EYA1: variants seen among roughly 807,000 people sequenced by gnomAD.
EYA1 encodes the protein EYA transcriptional coactivator and phosphatase 1, also known as protein phosphatase EYA1.
Under a neutral mutation model 82.0 loss-of-function variants are expected in EYA1, and 16 were observed. The ratio of observed to expected loss-of-function variants is 0.20; its 90% confidence interval spans 0.13 to 0.30. The LOEUF is 0.30. Among genes scored for constraint, EYA1 ranks in the 10% least tolerant of loss-of-function variants. EYA1 has a pLI of 1.00. For missense variants in EYA1, 633 were observed against 730.7 expected (o/e 0.87, Z 1.54); for synonymous variants, 261 against 264.4 (o/e 0.99, Z 0.12).
At chr8:71,419,437 T>C (rs1831027327) in intron 2 of EYA1, among the ~76,000 whole-genome samples, 1 of 152,164 alleles carries the variant, frequency 6.6e-6, no homozygotes, top group Non-Finnish European at 1.5e-5. Flanking sequence ...CATCATAACA[T>C]TCACTAAAAC....
chr8:71,206,033 T>C (rs79440815), intron 17 of EYA1, among the ~76,000 whole-genome samples: 1,857 of 152,238 alleles, frequency 0.012, 25 homozygotes, highest in South Asian at 0.038. Context: ...ATATCAGAAT[T>C]ATGTGTTTTA....
intron 12 of EYA1, 106 bp downstream of exon 12, chr8:71,244,497 T>C: frequency 4.4e-6 from 3 of 679,884 alleles, no homozygotes; most frequent in Non-Finnish European, 7.9e-6. Flanking sequence ...CAAACCTCTG[T>C]CTCACTATTC....
At chr8:71,378,622 A>G (rs566442709) in intron 2 of EYA1, among the ~76,000 whole-genome samples, 3 of 152,218 alleles carry the variant, frequency 2.0e-5, no homozygotes, top group Non-Finnish European at 2.9e-5. Context: ...ATAACATGTA[A>G]GATGTAAAGA....
intron 2 of EYA1, among the ~76,000 whole-genome samples, chr8:71,400,518 G>C (rs565355806): frequency 6.7e-6 from 1 of 148,160 alleles, no homozygotes; most frequent in African/African-American, 2.5e-5. Flanking sequence ...CATTTATGCA[G>C]CCAACAGACA....
chr8:71,232,095 C>CT (rs1283907095), intron 12 of EYA1, among the ~76,000 whole-genome samples: 4 of 152,250 alleles, frequency 2.6e-5, no homozygotes, highest in African/African-American at 9.6e-5. Flanking sequence ...TCAACCTCAG[C>CT]TTTACCATCA....
At chr8:71,440,173 C>T (rs139751309) in intron 2 of EYA1, among the ~76,000 whole-genome samples, 2 of 152,212 alleles carry the variant, frequency 1.3e-5, no homozygotes, top group East Asian at 1.9e-4. Context: ...TCGGACTGCT[C>T]GCTCTGGCTG....
intron 7 of EYA1, among the ~76,000 whole-genome samples, chr8:71,310,671 G>C (rs1205889487): frequency 1.3e-5 from 2 of 152,088 alleles, no homozygotes; most frequent in Non-Finnish European, 2.9e-5. Context: ...CCATTGATGG[G>C]CATTTAGGTT....
chr8:71,427,970 C>A (rs1477337091), intron 2 of EYA1, among the ~76,000 whole-genome samples: 1 of 110,946 alleles, frequency 9.0e-6, no homozygotes, highest in African/African-American at 3.3e-5. Flanking sequence ...CAGAGAGAGA[C>A]CTTGTCTCAA....
At chr8:71,255,749 T>C (rs981886344) in intron 11 of EYA1, among the ~76,000 whole-genome samples, 3 of 151,728 alleles carry the variant, frequency 2.0e-5, no homozygotes, top group Non-Finnish European at 4.4e-5. Context: ...AAATGAAAAA[T>C]GTGTATAATC....
Position 71,436,578 on chromosome 8 carries a change from A to G in EYA1, c.34-80067T>C, listed in dbSNP as rs1806028949. ...AACTGCATTTCACATAAACATCTGC[A>G]GCGGACTGCGCCTCTCCGCTGTGCT... is the stretch of plus-strand genomic sequence containing the variant. On this transcript the variant is annotated intron_variant, in intron 2 of 18. Transcript: ENST00000643681. Among the ~76,000 whole-genome samples the G allele has an allele frequency of 1.3e-5, 2 of 152,188 alleles. 1 individual carries two copies. Among genetic ancestry groups the G allele is most frequent in the South Asian group, 4.1e-4 (2 of 4,832 alleles).
chr8:71,329,881 G>A (rs964686448), intron 4 of EYA1, among the ~76,000 whole-genome samples: 8 of 151,982 alleles, frequency 5.3e-5, no homozygotes, highest in Admixed American at 5.2e-4. Context: ...GGAAAGAGTG[G>A]GGAGTAACCT....
intron 2 of EYA1, among the ~76,000 whole-genome samples, chr8:71,392,859 A>G (rs1403947906): frequency 3.9e-5 from 6 of 152,134 alleles, no homozygotes; most frequent in South Asian, 2.1e-4. Context: ...ACAATAAACA[A>G]TATTTTCTAT....
intron 11 of EYA1, among the ~76,000 whole-genome samples, chr8:71,258,890 G>C (rs555446455): frequency 6.6e-6 from 1 of 152,268 alleles, no homozygotes; most frequent in South Asian, 2.1e-4. Context: ...TCATGTTCGT[G>C]AGGCAGCTTA....
At chr8:71,528,931 T>C (rs1814031947) in intron 2 of EYA1, among the ~76,000 whole-genome samples, 1 of 152,198 alleles carries the variant, frequency 6.6e-6, no homozygotes, top group African/African-American at 2.4e-5. Context: ...TGTCCTGCCC[T>C]TTCCAAAAAG....
chr8:71,405,558 A>G (rs1223794908), intron 2 of EYA1, among the ~76,000 whole-genome samples: 1 of 152,160 alleles, frequency 6.6e-6, no homozygotes, highest in African/African-American at 2.4e-5. Context: ...TCTTGATTTC[A>G]CCAGCATCTG....
Position 71,473,460 on chromosome 8 carries a change from C to T in EYA1, c.33+62284G>A, listed in dbSNP as rs1455356616. Among the ~76,000 whole-genome samples the T allele has an allele frequency of 2.0e-5, 3 of 151,998 alleles. No homozygotes were observed. The East Asian group carries it at 5.8e-4, about 29-fold the overall frequency. On this transcript the variant is annotated intron_variant, in intron 2 of 18. Coordinates refer to the EYA1 transcript ENST00000643681. Reference sequence around the variant, plus strand: ...AAACATATGAAAAAAAGCTCATCATCACTGGTCATTAGAGAAATGCAAATC... The same window carrying T: ...AAACATATGAAAAAAAGCTCATCATTACTGGTCATTAGAGAAATGCAAATC...
At chr8:71,448,297 T>C (rs955397374) in intron 2 of EYA1, among the ~76,000 whole-genome samples, 4 of 152,220 alleles carry the variant, frequency 2.6e-5, no homozygotes, top group African/African-American at 9.6e-5. Context: ...ATTTCAATAA[T>C]GTTCATGGCA....
At chr8:71,408,128 C>A (rs1286756166) in intron 2 of EYA1, among the ~76,000 whole-genome samples, 2 of 151,964 alleles carry the variant, frequency 1.3e-5, no homozygotes, top group Non-Finnish European at 2.9e-5. Context: ...AACTAAGCTT[C>A]ATAAGTGAAG....
intron 2 of EYA1, among the ~76,000 whole-genome samples, chr8:71,456,994 T>C (rs998695226): frequency 3.3e-5 from 5 of 151,864 alleles, no homozygotes; most frequent in African/African-American, 9.7e-5. Flanking sequence ...TGGGAGAAAA[T>C]TTTTGCAATC....
Sources: gnomAD v4.1 joint callset for allele counts (sites outside exome capture counted in the v4.1 genomes callset) on GRCh38, gnomAD v4.1.1 for gene constraint, MANE v1.5 for transcripts, NCBI Gene and HGNC (gene_info 2026-07-23, HGNC 2026-07-21) for gene names.